Variants in SMTN observed in about 807,000 individuals in gnomAD.
SMTN encodes smoothelin.
SMTN carries 58 observed loss-of-function variants against 102.0 expected under a neutral mutation model. The ratio of observed to expected loss-of-function variants is 0.57; its 90% confidence interval spans 0.46 to 0.71. The LOEUF is 0.71. Among genes scored for constraint, SMTN ranks in the 30% least tolerant of loss-of-function variants. The probability of loss-of-function intolerance (pLI) is 0.00; values close to 1 mark genes in which losing one functional copy is unlikely to be tolerated. For missense variants in SMTN, 1,185 were observed against 1,241.7 expected, an observed-to-expected ratio of 0.95 and a Z score of 0.69; for synonymous variants, 478 against 497.9, an observed-to-expected ratio of 0.96 and a Z score of 0.53.
rs530081462 is a variant in SMTN at position 31,095,548 on chromosome 22, G to A, written c.1800G>A (p.Thr600=). 62 of 1,614,146 alleles carry A rather than the reference G, an allele frequency of 3.8e-5. No individual in the cohort carries two copies. Among genetic ancestry groups the A allele is most frequent in the Admixed American group, 2.0e-4 (12 of 60,008 alleles). ...TCTATATGCAGCTGGATCAGAGCACGGACTTTGAAGAGCGGAAGCTCATCC... is the reference window on the plus strand; with the variant it reads ...TCTATATGCAGCTGGATCAGAGCACAGACTTTGAAGAGCGGAAGCTCATCC... ...GVLDKMLDQS[T]DFEERKLIRA... is the part of the protein sequence containing the mutation. The change falls in exon 13 of 21, where the codon ACG becomes ACA. Residue 600 remains threonine, a synonymous_variant. Coordinates refer to ENST00000333137, the MANE Select transcript of SMTN (RefSeq NM_134269.3). The surrounding 1 kb of genome is among the most constrained non-coding windows in gnomAD (Gnocchi z 4.1).
intron 1 of SMTN, chr22:31,064,495 T>C (rs948714716): frequency 6.6e-6 from 1 of 152,170 alleles, no homozygotes; most frequent in Non-Finnish European, 1.5e-5. Flanking sequence ...CAAGATTTCA[T>C]AGGTTTTTTA....
chr22:31,098,482 G>A (rs977725127), intron 16 of SMTN, among the ~76,000 whole-genome samples, 185 bp from the exon 17 acceptor site: 3 of 152,172 alleles, frequency 2.0e-5, no homozygotes, highest in Admixed American at 6.5e-5. Context: ...AAACCTTGCT[G>A]TCATTTGAGA....
At chr22:31,081,755 TGGA>T (rs2042323610) in intron 1 of SMTN, among the ~76,000 whole-genome samples, 1 of 151,962 alleles carries the variant, frequency 6.6e-6, no homozygotes, top group Non-Finnish European at 1.5e-5. Flanking sequence ...ACAGGGAGAT[TGGA>T]GAAGAGCAGC....
Position 31,095,863 on chromosome 22 carries a change from C to G in SMTN, c.1861+254C>G, listed in dbSNP as rs558445674. 2 of 558,262 alleles carry G rather than the reference C, an allele frequency of 3.6e-6. No homozygotes were observed. Among genetic ancestry groups the G allele is most frequent in the African/African-American group, 3.8e-5 (2 of 52,768 alleles). The allele number at this position is 558,262 out of a possible 1,614,324, so 34.6% of individuals were successfully genotyped here. A position where few individuals can be genotyped will look rare whatever the true frequency, so the allele number is the denominator to read the frequency against. On this transcript the variant is annotated intron_variant, in intron 13 of 20. Coordinates refer to ENST00000333137, the MANE Select transcript of SMTN (RefSeq NM_134269.3). The surrounding 1 kb of genome is among the most constrained non-coding windows in gnomAD (Gnocchi z 4.1). Reference sequence around the variant, plus strand: ...CTTCTCCTTCCTAGACCCAGATACTCCCTCCCGCAGCTACTCTCTCCTTGG... The same window carrying G: ...CTTCTCCTTCCTAGACCCAGATACTGCCTCCCGCAGCTACTCTCTCCTTGG...
intron 2 of SMTN, among the ~76,000 whole-genome samples, chr22:31,084,577 T>TG (rs2042534376): frequency 6.6e-6 from 1 of 152,090 alleles, no homozygotes; most frequent in Non-Finnish European, 1.5e-5. Context: ...CAAGTCCCAG[T>TG]GGGGGTCGTA....
Position 31,095,463 on chromosome 22 carries a change from C to T in SMTN, c.1785+8C>T, listed in dbSNP as rs750419613. 2 of 1,614,242 alleles carry T rather than the reference C, an allele frequency of 1.2e-6. No individual in the cohort carries two copies. Among genetic ancestry groups the T allele is most frequent in the Non-Finnish European group, 8.5e-7 (1 of 1,180,034 alleles). ...GGAGTCTTGGACAAGATGGTATAGC[C>T]AGATCCGGTGGGCTGGGGGTTGGCA... On this transcript the variant is annotated splice_region_variant and intron_variant, in intron 12 of 20. Coordinates refer to ENST00000333137, the MANE Select transcript of SMTN (RefSeq NM_134269.3). This position sits in a 1 kb window ranked among gnomAD's most constrained non-coding sequence, Gnocchi z 4.1.
At chr22:31,096,669 G>A in intron 13 of SMTN, 64 bp from the exon 14 acceptor site, 2 of 1,475,684 alleles carry the variant, frequency 1.4e-6, no homozygotes, top group Non-Finnish European at 9.0e-7. Context: ...CCATGCACCT[G>A]TGCATCTGTG....
upstream of SMTN, among the ~76,000 whole-genome samples, chr22:31,076,880 A>G (rs73881317): frequency 0.084 from 12,818 of 152,186 alleles, 1,799 homozygotes; most frequent in African/African-American, 0.29. Flanking sequence ...CTGGAGCCAA[A>G]ATACCCTCAG....
rs1420099721 is a variant in SMTN at position 31,088,742 on chromosome 22, C to T, written c.338C>T (p.Ala113Val). The T allele has an allele frequency of 6.2e-7, 1 of 1,613,430 alleles. No individual in the cohort carries two copies. Residue 113 changes from alanine (A) to valine (V), a missense_variant, in exon 5 of 21, where the codon GCT becomes GTT. Physicochemically the swap from Ala to Val is moderately conservative, Grantham distance 64. This residue lies in a region of SMTN where 1,096 missense variants were observed against 1,112.7 expected (regional missense o/e 0.98). Transcript: ENST00000333137. Reference protein sequence around the residue: ...GEYEERKLIRAAIRRVRAQEI... With the variant: ...GEYEERKLIRVAIRRVRAQEI... ...TATGAGGAGCGCAAGCTGATCCGAGCTGCCATCCGCCGTGTACGGGCTCAG... is the reference window on the plus strand; with the variant it reads ...TATGAGGAGCGCAAGCTGATCCGAGTTGCCATCCGCCGTGTACGGGCTCAG...
intron 1 of SMTN, chr22:31,065,536 G>C (rs2041826426): frequency 6.6e-6 from 1 of 151,980 alleles, no homozygotes; most frequent in African/African-American, 2.4e-5. Flanking sequence ...TTTTAGTAGA[G>C]ACGTGGTTTC....
rs546925063 is a variant in SMTN, at chr22:31,098,662, C to A, written c.2160-5C>A. The A allele has an allele frequency of 4.3e-6, 7 of 1,613,186 alleles. No homozygotes were observed. The highest frequency in any genetic ancestry group is 5.9e-6 in the Non-Finnish European group (7 of 1,179,748). ...CTGCCTAACATGCGCCTCCCCAACCCCTAGCATCTTCGACCGCGAGGACCA... is the reference window on the plus strand; with the variant it reads ...CTGCCTAACATGCGCCTCCCCAACCACTAGCATCTTCGACCGCGAGGACCA... On this transcript the variant is annotated splice_polypyrimidine_tract_variant and splice_region_variant and intron_variant, in intron 16 of 20. Transcript: ENST00000333137.
intron 1 of SMTN, among the ~76,000 whole-genome samples, chr22:31,070,752 C>A (rs948293583): frequency 6.6e-6 from 1 of 151,720 alleles, no homozygotes; most frequent in African/African-American, 2.4e-5. Context: ...CTTGAAACCC[C>A]GTCTCTACTA....
intron 1 of SMTN, among the ~76,000 whole-genome samples, chr22:31,073,252 TACAC>T (rs1002008816): frequency 2.2e-5 from 2 of 91,950 alleles, no homozygotes; most frequent in African/African-American, 1.5e-4. Context: ...CAGACACACA[TACAC>T]ACGCACGCAC....
Position 31,100,858 on chromosome 22 carries a change from CCCTTCCCGG to C in SMTN, c.2604-24_2604-16del. 8.1e-7 allele frequency: 1 copy of C among 1,238,148 alleles called. No individual in the cohort carries two copies. The highest frequency in any genetic ancestry group is 1.1e-6 in the Non-Finnish European group (1 of 871,298). 76.7% of individuals were successfully genotyped at this position (1,238,148 alleles called of 1,614,324 possible). A position where few individuals can be genotyped will look rare whatever the true frequency, so the allele number is the denominator to read the frequency against. ...CTGGCCTCCTGCCCCCGTCCCCCACCCCTTCCCGGCCCCCTACCCTCCCCAGGACCCATG... is the reference window on the plus strand; with the variant it reads ...CTGGCCTCCTGCCCCCGTCCCCCACCCCCCCTACCCTCCCCAGGACCCATG... On this transcript the variant is annotated intron_variant, in intron 19 of 20. Transcript: ENST00000333137.
intron 13 of SMTN, 126 bp from the exon 14 acceptor site, chr22:31,096,607 C>G: frequency 1.0e-6 from 1 of 1,003,534 alleles, no homozygotes; most frequent in South Asian, 1.9e-5. Flanking sequence ...GCCCTTGTTA[C>G]CTGTGTCATT....
chr22:31,074,782 A>T (rs1435928610), intron 1 of SMTN, among the ~76,000 whole-genome samples: 1 of 151,378 alleles, frequency 6.6e-6, no homozygotes, highest in African/African-American at 2.5e-5. Flanking sequence ...GGGTGACAAG[A>T]GTGAAACTGT....
In SMTN at chr22:31,095,572, C is replaced by T; in HGVS notation, c.1824C>T (p.Ile608=). The T allele has an allele frequency of 1.4e-5, 23 of 1,613,996 alleles. No homozygotes were observed. Among genetic ancestry groups the T allele is most frequent in the Non-Finnish European group, 1.9e-5 (23 of 1,179,968 alleles). ...QSTDFEERKL[I]RAALRELRQR... is the part of the protein sequence containing the mutation. ...CGGACTTTGAAGAGCGGAAGCTCAT[C>T]CGGGCTGCACTTCGTGAGCTCCGAC... The change falls in exon 13 of 21, where the codon ATC becomes ATT. Residue 608 remains isoleucine (I), a synonymous_variant. Transcript: ENST00000333137. The surrounding 1 kb of genome is among the most constrained non-coding windows in gnomAD (Gnocchi z 4.1).
chr22:31,067,468 G>A (rs2041880379), intron 1 of SMTN: 1 of 151,384 alleles, frequency 6.6e-6, no homozygotes, highest in African/African-American at 2.4e-5. Context: ...TTGATCTCTT[G>A]ACCTCGTGAT....
intron 1 of SMTN, among the ~76,000 whole-genome samples, chr22:31,071,916 G>A (rs887311224): frequency 2.6e-5 from 4 of 151,434 alleles, no homozygotes; most frequent in Non-Finnish European, 4.4e-5. Flanking sequence ...GGCTGGTCTC[G>A]AACTCCTGGA....
Sources: gnomAD v4.1 joint callset for allele counts (sites outside exome capture counted in the v4.1 genomes callset) on GRCh38, gnomAD v4.1.1 for gene constraint, gnomAD v4.1.1 regional missense constraint, Gnocchi (gnomAD v3.1) non-coding constraint, MANE v1.5 for transcripts, NCBI Gene and HGNC (gene_info 2026-07-23, HGNC 2026-07-21) for gene names.